Variants in OTOG observed in about 807,000 individuals in gnomAD.
OTOG encodes the protein otogelin.
Under a neutral mutation model 313.8 loss-of-function variants are expected in OTOG, and 296 were observed. That is an observed-to-expected ratio of 0.94 (90% CI 0.86 to 1.04). The LOEUF is 1.04. Ranked by LOEUF, OTOG falls within the 50% of genes least tolerant of loss-of-function variation. OTOG has a pLI of 0.00. For synonymous variants in OTOG, 1,533 were observed against 1,554.9 expected, an observed-to-expected ratio of 0.99 and a Z score of 0.33; for missense variants, 3,948 against 3,840.1, an observed-to-expected ratio of 1.03 and a Z score of -0.74.
chr11:17,626,058 G>C (rs1238963989), intron 39 of OTOG, among the ~76,000 whole-genome samples: 1 of 152,214 alleles, frequency 6.6e-6, no homozygotes, highest in African/African-American at 2.4e-5. Flanking sequence ...TGAAAAGACT[G>C]TCTTTTCCCC....
chr11:17,623,266 A>C (rs1323128059), intron 39 of OTOG, among the ~76,000 whole-genome samples: 1 of 152,014 alleles, frequency 6.6e-6, no homozygotes, highest in Non-Finnish European at 1.5e-5. Context: ...CCTAGTACTC[A>C]TTAGTTATTT....
At chr11:17,608,170 T>A in intron 33 of OTOG, 126 bp from the exon 34 acceptor site, 1 of 627,510 alleles carries the variant, frequency 1.6e-6, no homozygotes, top group Non-Finnish European at 2.6e-6. Context: ...GTGTGGTTTT[T>A]TCCCCATTTG....
rs1386620853 is a variant in OTOG, at chr11:17,635,280, G to A, written c.7693+93G>A. 4 of 1,055,624 alleles carry A rather than the reference G, an allele frequency of 3.8e-6. No homozygotes were observed. In the African/African-American group the frequency reaches 4.8e-5, roughly 13 times the overall value. 65.4% of individuals were successfully genotyped at this position (1,055,624 alleles called of 1,614,324 possible). ...CCTTGGGCAGCTGGGAGGAAAGGCTGGGGGTCTTCAGATGGGGTGGGCAAA... is the reference window on the plus strand; with the variant it reads ...CCTTGGGCAGCTGGGAGGAAAGGCTAGGGGTCTTCAGATGGGGTGGGCAAA... On this transcript the variant is annotated intron_variant, in intron 46 of 55. Transcript: ENST00000399397.
intron 28 of OTOG, among the ~76,000 whole-genome samples, chr11:17,594,659 G>A (rs1853045493): frequency 6.6e-6 from 1 of 152,202 alleles, no homozygotes; most frequent in African/African-American, 2.4e-5. Flanking sequence ...AGATAGAAAT[G>A]AGGGGGTCTG....
intron 14 of OTOG, 141 bp from the exon 15 acceptor site, chr11:17,561,521 C>G: frequency 1.2e-6 from 1 of 853,686 alleles, no homozygotes; most frequent in South Asian, 1.7e-5. Context: ...CTGCCCAGGG[C>G]TCTCAGGGGC....
chr11:17,552,150 C>A, intron 4 of OTOG, 75 bp downstream of exon 4: 2 of 1,408,042 alleles, frequency 1.4e-6, no homozygotes, highest in Non-Finnish European at 2.0e-6. Context: ...GGGCAGAGGG[C>A]AGGTGGGGCT....
rs763190860 is a variant in OTOG at position 17,635,743 on chromosome 11, G to C, written c.7795+32G>C. The C allele has an allele frequency of 1.9e-4, 283 of 1,508,678 alleles. 2 individuals carry two copies. The highest frequency in any genetic ancestry group is 1.8e-3 in the South Asian group (152 of 83,212). The allele number at this position is 1,508,678 out of a possible 1,614,324, so 93.5% of individuals were successfully genotyped here. A position where few individuals can be genotyped will look rare whatever the true frequency, so the allele number is the denominator to read the frequency against. On this transcript the variant is annotated intron_variant, in intron 47 of 55. Coordinates refer to ENST00000399397, the MANE Select transcript of OTOG (RefSeq NM_001292063.2). The stretch of plus-strand genomic sequence containing the variant: ...CCTGGCTGGGCACATGGCGGGCTGC[G>C]GCAGGAAGGGGCCCTTCACAGAGTT...
chr11:17,563,929 C>T (rs570010141), intron 15 of OTOG, among the ~76,000 whole-genome samples: 93 of 143,938 alleles, frequency 6.5e-4, no homozygotes, highest in African/African-American at 2.4e-3. Flanking sequence ...AACTCCTGGG[C>T]TCATGTGATT....
rs527380735 is a variant in OTOG at position 17,640,893 on chromosome 11, C to T, written c.8012-20C>T. On this transcript the variant is annotated intron_variant, in intron 50 of 55. Transcript: ENST00000399397. ...TGCCTGGGCTCTGGATGACTGTTGCCGCCCTGCATGCCCATCCAGTGAAGG... is the reference window on the plus strand; with the variant it reads ...TGCCTGGGCTCTGGATGACTGTTGCTGCCCTGCATGCCCATCCAGTGAAGG... 6.3e-5 allele frequency: 98 copies of T among 1,548,740 alleles called. No homozygotes were observed. Among genetic ancestry groups the T allele is most frequent in the African/African-American group, 5.2e-4 (38 of 73,178 alleles).
chr11:17,617,708 C>T (rs1351253436), intron 39 of OTOG, among the ~76,000 whole-genome samples: 1 of 152,134 alleles, frequency 6.6e-6, no homozygotes. Flanking sequence ...CCCTGACTAG[C>T]CTGGCTAGAG....
In OTOG at chr11:17,596,112, C is replaced by T. The variant is rs1853096955; in HGVS notation, c.3483C>T (p.Cys1161=). 1 of 1,550,580 alleles carries T rather than the reference C, an allele frequency of 6.4e-7. No homozygotes were observed. The highest frequency in any genetic ancestry group is 1.4e-5 in the African/African-American group (1 of 73,022). The part of the protein sequence containing the change: ...PLREPFAKKE[C]SILLSEVFEI... Reference sequence around the variant, plus strand: ...GAGAACCATTTGCCAAGAAGGAGTGCAGCATCCTGCTCAGTGAGGTGTTTG... The same window carrying T: ...GAGAACCATTTGCCAAGAAGGAGTGTAGCATCCTGCTCAGTGAGGTGTTTG... Residue 1161 remains cysteine (C), a synonymous_variant, in exon 29 of 56, where the codon TGC becomes TGT. Coordinates refer to ENST00000399397, the MANE Select transcript of OTOG (RefSeq NM_001292063.2).
intron 35 of OTOG, 69 bp from the exon 36 acceptor site, chr11:17,609,586 C>A: frequency 7.4e-7 from 1 of 1,345,590 alleles, no homozygotes; most frequent in East Asian, 2.5e-5. Flanking sequence ...CACACCACAG[C>A]CCTGCCCAGC....
At chr11:17,552,721 G>C (rs1037034653) in intron 4 of OTOG, among the ~76,000 whole-genome samples, 3 of 151,414 alleles carry the variant, frequency 2.0e-5, no homozygotes, top group Admixed American at 1.3e-4. Flanking sequence ...GGTTACCCCC[G>C]TGGCTTCTTC....
In OTOG at chr11:17,553,434, A is replaced by C. The variant is rs1851988880; in HGVS notation, c.455A>C (p.Asp152Ala). The C allele has an allele frequency of 6.8e-7, 1 of 1,475,318 alleles. No homozygotes were observed. Among genetic ancestry groups the C allele is most frequent in the Admixed American group, 2.6e-5 (1 of 39,172 alleles). 91.4% of individuals were successfully genotyped at this position (1,475,318 alleles called of 1,614,324 possible). ...GGGCAGCACCACGTGGAGACATTTG[A>C]TGGGCTCTACTACTACCTCTCCGGA... is the stretch of plus-strand genomic sequence containing the variant. Reference protein sequence around the residue: ...AWGQHHVETFDGLYYYLSGKG... With the variant: ...AWGQHHVETFAGLYYYLSGKG... The change falls in exon 6 of 56, where the codon GAT (aspartate) becomes GCT (alanine). Residue 152 changes from aspartate (D) to alanine (A), a missense_variant. Coordinates refer to ENST00000399397, the MANE Select transcript of OTOG (RefSeq NM_001292063.2).
intron 24 of OTOG, among the ~76,000 whole-genome samples, chr11:17,589,987 C>T (rs191307928): frequency 7.5e-4 from 114 of 152,160 alleles, no homozygotes; most frequent in African/African-American, 1.5e-3. Context: ...GTTCCTTCTC[C>T]GCTTCCTTCA....
intron 54 of OTOG, among the ~76,000 whole-genome samples, 176 bp downstream of exon 54, chr11:17,643,682 T>C (rs138051536): frequency 1.3e-5 from 2 of 152,200 alleles, no homozygotes; most frequent in African/African-American, 4.8e-5. Context: ...GACGCAAATA[T>C]GCAGATGGCT....
Position 17,609,172 on chromosome 11 carries a change from G to A in OTOG, c.4317G>A (p.Leu1439=). 1.3e-6 allele frequency: 2 copies of A among 1,550,550 alleles called. No homozygotes were observed. Among genetic ancestry groups the A allele is most frequent in the East Asian group, 4.9e-5 (2 of 40,916 alleles). ...CTGTGTGCCCCACCCCCCAGGTCCT[G>A]GATGAAGTCACACAGAGATGTGTCT... ...CVPVCPTPQV[L]DEVTQRCVYL... is the part of the protein sequence containing the mutation. Residue 1439 remains leucine (L), a synonymous_variant, in exon 35 of 56, where the codon CTG becomes CTA. Transcript: ENST00000399397.
intron 15 of OTOG, among the ~76,000 whole-genome samples, chr11:17,566,269 A>G (rs1852291663): frequency 6.6e-6 from 1 of 152,190 alleles, no homozygotes; most frequent in Admixed American, 6.5e-5. Flanking sequence ...AATACCTAAT[A>G]CAATGTAAAT....
chr11:17,629,032 G>A (rs1854050338), intron 39 of OTOG, 101 bp from the exon 40 acceptor site: 4 of 1,193,836 alleles, frequency 3.4e-6, no homozygotes, highest in Non-Finnish European at 4.7e-6. Flanking sequence ...CAGATGATGG[G>A]TGGATGGATG....
Sources: gnomAD v4.1 joint callset for allele counts (sites outside exome capture counted in the v4.1 genomes callset) on GRCh38, gnomAD v4.1.1 for gene constraint, MANE v1.5 for transcripts, NCBI Gene and HGNC (gene_info 2026-07-23, HGNC 2026-07-21) for gene names.